Variants in GPLD1 observed in about 807,000 individuals in gnomAD.
GPLD1 encodes phosphatidylinositol-glycan-specific phospholipase D.
GPLD1 carries 84 observed loss-of-function variants against 112.6 expected under a neutral mutation model. That is an observed-to-expected ratio of 0.75 (90% CI 0.63 to 0.89). The LOEUF (loss-of-function observed/expected upper bound fraction) is 0.89, where lower values mean the gene tolerates loss of function less well. GPLD1 is among the 40% of genes least tolerant of loss of function. The pLI, the probability that GPLD1 is intolerant of heterozygous loss-of-function variation, is 0.00. For missense variants in GPLD1, 1,044 were observed against 1,051.5 expected, an observed-to-expected ratio of 0.99 and a Z score of 0.10; for synonymous variants, 386 against 403.8, an observed-to-expected ratio of 0.96 and a Z score of 0.53.
intron 2 of GPLD1, among the ~76,000 whole-genome samples, chr6:24,481,343 CTTTTT>C (rs57649807): frequency 4.1e-4 from 59 of 143,988 alleles, no homozygotes; most frequent in Non-Finnish European, 7.1e-4. Context: ...ATATCCCGCC[CTTTTT>C]TTTTTTTTTT....
At chr6:24,475,924 G>A (rs1353269850) in intron 4 of GPLD1, among the ~76,000 whole-genome samples, 6 of 152,090 alleles carry the variant, frequency 3.9e-5, no homozygotes, top group East Asian at 1.9e-4. Flanking sequence ...TTTTGGAAAC[G>A]TTTTACGATG....
At chr6:24,457,212 G>C (rs910042843) in intron 12 of GPLD1, among the ~76,000 whole-genome samples, 18 of 152,210 alleles carry the variant, frequency 1.2e-4, no homozygotes, top group African/African-American at 4.1e-4. Context: ...ATGTGCAGTG[G>C]CTCACACCTG....
intron 12 of GPLD1, among the ~76,000 whole-genome samples, chr6:24,459,475 T>C (rs1014491075): frequency 6.6e-6 from 1 of 152,152 alleles, no homozygotes; most frequent in South Asian, 2.1e-4. Context: ...CAGGCTAGTC[T>C]CAAACTCCTG....
intron 20 of GPLD1, among the ~76,000 whole-genome samples, chr6:24,439,679 G>GA (rs1198790454): frequency 3.3e-5 from 5 of 152,048 alleles, no homozygotes; most frequent in Non-Finnish European, 7.4e-5. Flanking sequence ...TAGACAAGGA[G>GA]AAAAAACTCA....
In GPLD1 at chr6:24,476,174, C is replaced by T. The variant is rs75119852; in HGVS notation, c.330+7G>A. On this transcript the variant is annotated splice_region_variant and intron_variant, in intron 4 of 24. Coordinates refer to ENST00000230036, the MANE Select transcript of GPLD1 (RefSeq NM_001503.4). ...AAATATTTTAAGGATTGGAGGACCA[C>T]GCCTACCTTCTCCCAGGGAAGGGGA... 0.02 allele frequency: 30,030 copies of T among 1,467,590 alleles called. 541 individuals are homozygous for T. Among genetic ancestry groups the T allele is most frequent in the African/African-American group, 0.071 (5,106 of 71,812 alleles). 90.9% of individuals were successfully genotyped at this position (1,467,590 alleles called of 1,614,324 possible). A position where few individuals can be genotyped will look rare whatever the true frequency, so the allele number is the denominator to read the frequency against.
intron 2 of GPLD1, 114 bp from the exon 3 acceptor site, chr6:24,480,073 G>T (rs982438226): frequency 1.2e-5 from 8 of 659,126 alleles, no homozygotes; most frequent in Non-Finnish European, 2.2e-5. Context: ...TAGATGGAAT[G>T]AAAGGGAAAA....
chr6:24,436,162 A>G (rs938323178), intron 22 of GPLD1, among the ~76,000 whole-genome samples: 6 of 152,090 alleles, frequency 3.9e-5, no homozygotes, highest in Non-Finnish European at 1.5e-5. Flanking sequence ...AGGCTGAGAC[A>G]AGAGAATCAC....
At chr6:24,448,407 C>T (rs1374128159) in intron 15 of GPLD1, among the ~76,000 whole-genome samples, 199 bp from the exon 16 acceptor site, 3 of 142,152 alleles carry the variant, frequency 2.1e-5, no homozygotes, top group African/African-American at 5.2e-5. Context: ...CAGTGAGATC[C>T]TGTGTCCACG....
intron 2 of GPLD1, among the ~76,000 whole-genome samples, chr6:24,483,710 A>G (rs908972050): frequency 6.6e-6 from 1 of 151,912 alleles, no homozygotes; most frequent in East Asian, 1.9e-4. Flanking sequence ...GGTGAAGGCT[A>G]GAGTAAATCT....
At chr6:24,461,828 G>C (rs1178162556) in intron 11 of GPLD1, among the ~76,000 whole-genome samples, 1 of 152,148 alleles carries the variant, frequency 6.6e-6, no homozygotes, top group Non-Finnish European at 1.5e-5. Context: ...GCCTGAACCA[G>C]TTCCTGGCAC....
chr6:24,471,942 T>C (rs1290868065), intron 7 of GPLD1, among the ~76,000 whole-genome samples: 4 of 152,160 alleles, frequency 2.6e-5, no homozygotes, highest in African/African-American at 9.7e-5. Flanking sequence ...GAAAAACTGA[T>C]CTATTCAACT....
intron 11 of GPLD1, among the ~76,000 whole-genome samples, chr6:24,460,658 A>G (rs1487893179): frequency 1.3e-5 from 2 of 152,218 alleles, no homozygotes; most frequent in African/African-American, 4.8e-5. Context: ...GTAGGAGTAA[A>G]AGGCTTCAAT....
chr6:24,457,268 C>T (rs1016300642), intron 12 of GPLD1, among the ~76,000 whole-genome samples: 5 of 152,054 alleles, frequency 3.3e-5, no homozygotes, highest in African/African-American at 1.2e-4. Flanking sequence ...TCACTTGAAC[C>T]CAGGAGTTTG....
chr6:24,454,804 T>C (rs1763215726), intron 13 of GPLD1, among the ~76,000 whole-genome samples: 1 of 152,204 alleles, frequency 6.6e-6, no homozygotes, highest in Non-Finnish European at 1.5e-5. Context: ...CAAAAGTCAT[T>C]TGTTTATTCT....
chr6:24,445,298 AT>A (rs1356769345), intron 20 of GPLD1, among the ~76,000 whole-genome samples: 1 of 152,194 alleles, frequency 6.6e-6, no homozygotes, highest in Non-Finnish European at 1.5e-5. Flanking sequence ...AAGTGCTGGG[AT>A]TACAGGTGTG....
intron 5 of GPLD1, among the ~76,000 whole-genome samples, chr6:24,474,069 T>C (rs887039332): frequency 6.6e-6 from 1 of 151,860 alleles, no homozygotes; most frequent in African/African-American, 2.4e-5. Flanking sequence ...GAGGTTGCAG[T>C]GAGCCGAGAT....
chr6:24,479,248 C>T (rs913019416), intron 3 of GPLD1, among the ~76,000 whole-genome samples: 1 of 152,176 alleles, frequency 6.6e-6, no homozygotes, highest in Non-Finnish European at 1.5e-5. Context: ...TCCAAACTCT[C>T]TCACCAATAA....
chr6:24,477,142 T>C (rs1309830067), intron 3 of GPLD1, among the ~76,000 whole-genome samples: 2 of 151,370 alleles, frequency 1.3e-5, no homozygotes, highest in African/African-American at 4.9e-5. Flanking sequence ...AACTCCAGAA[T>C]TAAATATGGC....
chr6:24,484,744 G>A (rs192884342), intron 2 of GPLD1, among the ~76,000 whole-genome samples: 2 of 152,300 alleles, frequency 1.3e-5, no homozygotes, highest in Non-Finnish European at 2.9e-5. Flanking sequence ...GGTCAATGAA[G>A]ATGACTATCA....
Sources: gnomAD v4.1 joint callset for allele counts (sites outside exome capture counted in the v4.1 genomes callset) on GRCh38, gnomAD v4.1.1 for gene constraint, MANE v1.5 for transcripts, NCBI Gene and HGNC (gene_info 2026-07-23, HGNC 2026-07-21) for gene names.